EVA1A: variants seen among roughly 807,000 people sequenced by gnomAD.
EVA1A encodes the protein protein eva-1 homolog A.
EVA1A carries 7 observed loss-of-function variants against 9.8 expected under a neutral mutation model. The ratio of observed to expected loss-of-function variants is 0.71; its 90% CI spans 0.41 to 1.34. The LOEUF (loss-of-function observed/expected upper bound fraction) is 1.34, where lower values mean the gene tolerates loss of function less well. Among genes scored for constraint, EVA1A ranks in the 40% most tolerant of loss-of-function variants. The pLI, the probability that EVA1A is intolerant of heterozygous loss-of-function variation, is 0.01. For missense variants in EVA1A, 206 were observed against 205.9 expected (o/e 1.00, Z 0.00); for synonymous variants, 90 against 85.6 (o/e 1.05, Z -0.28).
chr2:75,561,706 A>C (rs1028394233), upstream of EVA1A, among the ~76,000 whole-genome samples: 1 of 152,192 alleles, frequency 6.6e-6, no homozygotes, highest in African/African-American at 2.4e-5. Context: ...ATCAAAATAA[A>C]AGCTTGGACA....
chr2:75,505,064 C>T (rs987652576), intron 3 of EVA1A, among the ~76,000 whole-genome samples: 4 of 152,196 alleles, frequency 2.6e-5, no homozygotes, highest in African/African-American at 9.7e-5. Context: ...TCCACTGGCT[C>T]ACTTTTCTTC....
intron 3 of EVA1A, among the ~76,000 whole-genome samples, chr2:75,507,718 G>C (rs1215084819): frequency 6.6e-6 from 1 of 152,286 alleles, no homozygotes; most frequent in East Asian, 1.9e-4. Flanking sequence ...CTTCAGAATT[G>C]TCTTGAGATG....
At chr2:75,518,719 T>G (rs1675126458) in intron 2 of EVA1A, 1 of 987,016 alleles carries the variant, frequency 1.0e-6, no homozygotes, top group South Asian at 4.7e-5. Flanking sequence ...ATCGTCACAT[T>G]CATCACTGCG....
At chr2:75,543,709 G>A (rs1243977861) in intron 1 of EVA1A, among the ~76,000 whole-genome samples, 2 of 152,030 alleles carry the variant, frequency 1.3e-5, no homozygotes, top group African/African-American at 4.8e-5. Flanking sequence ...TTCCTCACCA[G>A]GGGGAACTAG....
At chr2:75,557,681 C>T (rs1241376687) in intron 1 of EVA1A, among the ~76,000 whole-genome samples, 1 of 152,198 alleles carries the variant, frequency 6.6e-6, no homozygotes, top group Non-Finnish European at 1.5e-5. Context: ...CTCCATCCCC[C>T]CATCCCAAAA....
chr2:75,504,594 C>T (rs1463918576), intron 3 of EVA1A, among the ~76,000 whole-genome samples: 1 of 152,194 alleles, frequency 6.6e-6, no homozygotes, highest in African/African-American at 2.4e-5. Context: ...TCTGTTCCTA[C>T]CTGGCTGGCT....
chr2:75,526,731 G>GCTGCA (rs1558681853), intron 1 of EVA1A, among the ~76,000 whole-genome samples: 34 of 152,350 alleles, frequency 2.2e-4, no homozygotes, highest in African/African-American at 7.5e-4. Context: ...AAATTGAACA[G>GCTGCA]AAGTCAAAGC....
At chr2:75,558,141 T>C (rs1159003330) in intron 1 of EVA1A, among the ~76,000 whole-genome samples, 1 of 152,208 alleles carries the variant, frequency 6.6e-6, no homozygotes, top group Non-Finnish European at 1.5e-5. Flanking sequence ...GTAAAGGACA[T>C]TATAGGTTTT....
intron 1 of EVA1A, among the ~76,000 whole-genome samples, chr2:75,525,867 T>C (rs1444722749): frequency 1.3e-5 from 2 of 152,222 alleles, no homozygotes. Flanking sequence ...ACACAGAGCC[T>C]GAAGCCTTCA....
intron 3 of EVA1A, among the ~76,000 whole-genome samples, chr2:75,502,002 G>A (rs746125896): frequency 6.6e-6 from 1 of 152,186 alleles, no homozygotes; most frequent in Non-Finnish European, 1.5e-5. Context: ...AAATCTGTCT[G>A]GATCCCAGAG....
intron 3 of EVA1A, among the ~76,000 whole-genome samples, chr2:75,507,717 T>G (rs550443759): frequency 6.6e-6 from 1 of 152,134 alleles, no homozygotes; most frequent in Non-Finnish European, 1.5e-5. Flanking sequence ...CCTTCAGAAT[T>G]GTCTTGAGAT....
chr2:75,524,656 C>A (rs566904230), intron 1 of EVA1A, among the ~76,000 whole-genome samples: 1 of 152,272 alleles, frequency 6.6e-6, no homozygotes, highest in African/African-American at 2.4e-5. Flanking sequence ...CTTTCTCATT[C>A]TTCAATCTTC....
Position 75,518,089 on chromosome 2 carries a change from T to C in EVA1A, c.52A>G (p.Ser18Gly), listed in dbSNP as rs1321223465. 6.2e-7 allele frequency: 1 copy of C among 1,614,016 alleles called. No homozygotes were observed. The highest frequency in any genetic ancestry group is 1.3e-5 in the African/African-American group (1 of 74,914). The change falls in exon 3 of 4, where the codon AGC (serine) becomes GGC (glycine). Residue 18 changes from serine to glycine, a missense_variant. Transcript: ENST00000393913. ...AAGGAATAGGCCGCTAGGATGTTGC[T>C]GAGCAAAGCCATCTCCACGTGCTCT... is the stretch of plus-strand genomic sequence containing the variant. Reference protein sequence around the residue: ...SPEHVEMALLSNILAAYSFVS... With the variant: ...SPEHVEMALLGNILAAYSFVS...
At chr2:75,548,530 C>T (rs898297699) in intron 1 of EVA1A, among the ~76,000 whole-genome samples, 1 of 152,184 alleles carries the variant, frequency 6.6e-6, no homozygotes, top group African/African-American at 2.4e-5. Context: ...AACATCTCTA[C>T]TCCCTTTCCA....
intron 1 of EVA1A, among the ~76,000 whole-genome samples, chr2:75,555,978 G>A (rs571443647): frequency 9.2e-5 from 14 of 152,250 alleles, no homozygotes; most frequent in African/African-American, 3.4e-4. Context: ...GTTCCTTTGA[G>A]CTCCCAGTTC....
intron 1 of EVA1A, among the ~76,000 whole-genome samples, chr2:75,560,354 C>A (rs553008686): frequency 6.6e-6 from 1 of 152,172 alleles, no homozygotes; most frequent in Non-Finnish European, 1.5e-5. Flanking sequence ...AGGAGAGAAG[C>A]GCTAGATTTG....
intron 1 of EVA1A, among the ~76,000 whole-genome samples, chr2:75,555,708 C>T (rs965281403): frequency 5.9e-5 from 9 of 152,126 alleles, no homozygotes; most frequent in African/African-American, 2.2e-4. Flanking sequence ...TGTCTCAAAA[C>T]AGTACAGAGA....
chr2:75,531,312 A>G (rs1675640371), intron 1 of EVA1A, among the ~76,000 whole-genome samples: 1 of 152,242 alleles, frequency 6.6e-6, no homozygotes, highest in Admixed American at 6.5e-5. Flanking sequence ...TGGGAATGTA[A>G]ACCAGTACGA....
chr2:75,544,631 TAAC>T (rs1225659090), intron 1 of EVA1A, among the ~76,000 whole-genome samples: 1 of 152,172 alleles, frequency 6.6e-6, no homozygotes, highest in African/African-American at 2.4e-5. Flanking sequence ...AAAAAAAAAT[TAAC>T]AACATAATTA....
Sources: gnomAD v4.1 joint callset for allele counts (sites outside exome capture counted in the v4.1 genomes callset) on GRCh38, gnomAD v4.1.1 for gene constraint, MANE v1.5 for transcripts, NCBI Gene and HGNC (gene_info 2026-07-23, HGNC 2026-07-21) for gene names.